Variants in PGBD5 observed in about 807,000 individuals in gnomAD.
PGBD5 encodes the protein piggyBac transposable element derived 5.
A neutral mutation model predicts 47.9 loss-of-function variants in PGBD5; 14 were observed. The ratio of observed to expected loss-of-function variants is 0.29; its 90% confidence interval spans 0.19 to 0.46. PGBD5 has a LOEUF of 0.46. Among genes scored for constraint, PGBD5 ranks in the 20% least tolerant of loss-of-function variants. PGBD5 has a pLI of 1.00. For missense variants in PGBD5, 635 were observed against 716.0 expected, an observed-to-expected ratio of 0.89 and a Z score of 1.29; for synonymous variants, 316 against 306.3, an observed-to-expected ratio of 1.03 and a Z score of -0.33.
chr1:230,361,375 G>C (rs537110104), intron 1 of PGBD5, among the ~76,000 whole-genome samples: 1 of 152,110 alleles, frequency 6.6e-6, no homozygotes, highest in Non-Finnish European at 1.5e-5. Context: ...GGTGTGCCTC[G>C]GTGTCTGGGC....
intron 1 of PGBD5, among the ~76,000 whole-genome samples, chr1:230,391,244 C>T (rs1190303145): frequency 1.3e-5 from 2 of 152,154 alleles, no homozygotes; most frequent in African/African-American, 2.4e-5. Context: ...GTAACATCTC[C>T]GAGGGCCTGA....
intron 1 of PGBD5, among the ~76,000 whole-genome samples, chr1:230,385,089 T>TC (rs1301656786): frequency 6.6e-6 from 1 of 152,166 alleles, no homozygotes; most frequent in Non-Finnish European, 1.5e-5. Flanking sequence ...ATTTTTTTTT[T>TC]CCCCCTCATA....
rs7523349 is a variant in PGBD5 at position 230,392,208 on chromosome 1, C to A, written c.331+33390G>T. Among the ~76,000 whole-genome samples, 720 of 152,372 alleles carry A rather than the reference C, an allele frequency of 4.7e-3. 5 individuals are homozygous for A. Among genetic ancestry groups the A allele is most frequent in the Middle Eastern group, 0.034 (10 of 294 alleles). ...AGTGCTTCCTGGCCACATCCCCCCACACCGGGGCTGCCCTGAGAGGCATGG... is the reference window on the plus strand; with the variant it reads ...AGTGCTTCCTGGCCACATCCCCCCAAACCGGGGCTGCCCTGAGAGGCATGG... On this transcript the variant is annotated intron_variant, in intron 1 of 6. Coordinates refer to ENST00000391860, the MANE Select transcript of PGBD5 (RefSeq NM_001258311.2).
At chr1:230,383,497 T>G (rs967428584) in intron 1 of PGBD5, among the ~76,000 whole-genome samples, 1 of 151,972 alleles carries the variant, frequency 6.6e-6, no homozygotes, top group Non-Finnish European at 1.5e-5. Flanking sequence ...CCTAAATAGC[T>G]GGGATTATAG....
chr1:230,377,737 A>T, intron 1 of PGBD5: 1 of 1,406,296 alleles, frequency 7.1e-7, no homozygotes, highest in South Asian at 1.6e-5. Flanking sequence ...CATTGTGAGA[A>T]TAAAATGAAA....
chr1:230,356,105 C>T (rs1171292546), intron 2 of PGBD5, among the ~76,000 whole-genome samples: 2 of 152,184 alleles, frequency 1.3e-5, no homozygotes, highest in East Asian at 1.9e-4. Context: ...ACTTCTGTTG[C>T]CACACAGACC....
At chr1:230,361,511 TC>T (rs1269563941) in intron 1 of PGBD5, among the ~76,000 whole-genome samples, 1 of 152,046 alleles carries the variant, frequency 6.6e-6, no homozygotes, top group Non-Finnish European at 1.5e-5. Flanking sequence ...CTACCTGGGT[TC>T]CCCACTCCCT....
At position 230,321,687 on chromosome 1, in the gene PGBD5, G is replaced by C. The variant is rs370583775; in HGVS notation, c.*1738C>G. 8.5e-5 allele frequency: 13 copies of C among 152,694 alleles called. No homozygotes were observed. The highest frequency in any genetic ancestry group is 3.1e-4 in the African/African-American group (13 of 41,566). The allele number at this position is 152,694 out of a possible 1,614,324, so 9.5% of individuals were successfully genotyped here. A position where few individuals can be genotyped will look rare whatever the true frequency, so the allele number is the denominator to read the frequency against. ...CTTTTATTTTTATTTTACTTGTTTGGACAGAAAAGAAAATTCATCAGCTTT... is the reference window on the plus strand; with the variant it reads ...CTTTTATTTTTATTTTACTTGTTTGCACAGAAAAGAAAATTCATCAGCTTT... On this transcript the variant is annotated 3_prime_UTR_variant, in exon 7 of 7. Coordinates refer to ENST00000391860, the MANE Select transcript of PGBD5 (RefSeq NM_001258311.2).
At position 230,315,938 on chromosome 1, in the gene PGBD5, G is replaced by GTATATGTGTACACATA. The variant is rs1242781129; in HGVS notation, c.*7486_*7487insTATGTGTACACATATA. The GTATATGTGTACACATA allele has an allele frequency of 2.5e-5, 3 of 120,886 alleles. No homozygotes were observed. Among genetic ancestry groups the GTATATGTGTACACATA allele is most frequent in the Non-Finnish European group, 5.5e-5 (3 of 54,950 alleles). The allele number at this position is 120,886 out of a possible 1,614,324, so 7.5% of individuals were successfully genotyped here. A position where few individuals can be genotyped will look rare whatever the true frequency, so the allele number is the denominator to read the frequency against. On this transcript the variant is annotated 3_prime_UTR_variant, in exon 7 of 7. Transcript: ENST00000391860. ...TATGTGTATATGTGTACACATATAT[G>GTATATGTGTACACATA]TATGTGTATACATACATAAGTATAT...
intron 4 of PGBD5, among the ~76,000 whole-genome samples, chr1:230,335,071 A>G (rs1013799248): frequency 1.3e-5 from 2 of 149,758 alleles, no homozygotes; most frequent in African/African-American, 4.9e-5. Flanking sequence ...ACACAGATGC[A>G]CACACAGACA....
At chr1:230,387,180 T>G (rs1656661552) in intron 1 of PGBD5, among the ~76,000 whole-genome samples, 1 of 152,158 alleles carries the variant, frequency 6.6e-6, no homozygotes, top group Admixed American at 6.5e-5. Context: ...CATAAAATTT[T>G]AACTTTCTAA....
chr1:230,359,462 A>C (rs1457567205), intron 1 of PGBD5, among the ~76,000 whole-genome samples: 1 of 152,234 alleles, frequency 6.6e-6, no homozygotes. Flanking sequence ...GTTTCTGAAA[A>C]ACAAGTTTCT....
chr1:230,402,920 G>T (rs1571861096), intron 1 of PGBD5, among the ~76,000 whole-genome samples: 1 of 152,246 alleles, frequency 6.6e-6, no homozygotes, highest in East Asian at 1.9e-4. Flanking sequence ...AATGAGGTTT[G>T]TTAGGGAGAC....
At chr1:230,368,012 C>T (rs759170530) in intron 1 of PGBD5, 68 of 1,367,282 alleles carry the variant, frequency 5.0e-5, no homozygotes, top group Non-Finnish European at 6.4e-5. Flanking sequence ...CTTCCCCACG[C>T]CACACCACAC....
At position 230,357,004 on chromosome 1, in the gene PGBD5, C is replaced by A. The variant is rs566300521; in HGVS notation, c.649G>T (p.Val217Phe). 1.2e-6 allele frequency: 2 copies of A among 1,614,148 alleles called. No individual in the cohort carries two copies. Among genetic ancestry groups the A allele is most frequent in the Admixed American group, 3.3e-5 (2 of 60,020 alleles). The change falls in exon 2 of 7, where the codon GTC (valine) becomes TTC (phenylalanine). Residue 217 changes from valine to phenylalanine, a missense_variant. Physicochemically the swap from Val to Phe is conservative, Grantham distance 50. Transcript: ENST00000391860. The surrounding 1 kb of genome is among the most constrained non-coding windows in gnomAD (Gnocchi z 5.7). ...RFEKILKYFH[V>F]VAFRSSQTTH... ...GTCTGGCTGGAGCGGAAGGCCACGA[C>A]GTGGAAGTACTTGAGGATCTTCTCG...
chr1:230,389,332 C>G (rs1656731314), intron 1 of PGBD5, among the ~76,000 whole-genome samples: 1 of 152,116 alleles, frequency 6.6e-6, no homozygotes, highest in Non-Finnish European at 1.5e-5. Context: ...GCCACCATGC[C>G]CAGCTAAGTT....
chr1:230,358,803 G>A lies in PGBD5; in HGVS notation c.332-1482C>T, dbSNP rs371784406. Among the ~76,000 whole-genome samples, 128 of 152,304 alleles carry A rather than the reference G, an allele frequency of 8.4e-4. No homozygotes were observed. In the South Asian group the frequency reaches 0.024, roughly 29 times the overall value. ...TAGTCTAGGAGCGATAGGCTATGCC[G>A]TATAGCCTAGGTGTGTAGGAGGCTG... On this transcript the variant is annotated intron_variant, in intron 1 of 6. Coordinates refer to ENST00000391860, the MANE Select transcript of PGBD5 (RefSeq NM_001258311.2).
chr1:230,379,977 C>G (rs1668071762), intron 1 of PGBD5, among the ~76,000 whole-genome samples: 1 of 152,242 alleles, frequency 6.6e-6, no homozygotes. Flanking sequence ...CATTACTACC[C>G]TCAGCATACT....
chr1:230,407,642 A>G (rs1485290979), intron 1 of PGBD5, among the ~76,000 whole-genome samples: 2 of 152,146 alleles, frequency 1.3e-5, no homozygotes, highest in African/African-American at 4.8e-5. Context: ...CATGATATCT[A>G]TTGTCTCCTC....
Sources: allele counts gnomAD v4.1 joint callset (sites outside exome capture counted in the v4.1 genomes callset), GRCh38; gene constraint gnomAD v4.1.1; non-coding constraint Gnocchi (gnomAD v3.1); transcripts MANE v1.5; gene names NCBI Gene and HGNC (gene_info 2026-07-23, HGNC 2026-07-21).